GALNT13: variants seen among roughly 807,000 people sequenced by gnomAD.
GALNT13 encodes UDP-GalNAc:polypeptide N-acetylgalactosaminyltransferase 13.
A neutral mutation model predicts 64.2 loss-of-function variants in GALNT13; 28 were observed. That is an observed-to-expected ratio of 0.44 (90% CI 0.32 to 0.60). The LOEUF is 0.60. Among genes scored for constraint, GALNT13 ranks in the 20% least tolerant of loss-of-function variants. The pLI, the probability that GALNT13 is intolerant of heterozygous loss-of-function variation, is 0.05. For missense variants in GALNT13, 577 were observed against 669.8 expected, an observed-to-expected ratio of 0.86 and a Z score of 1.53; for synonymous variants, 214 against 224.6, an observed-to-expected ratio of 0.95 and a Z score of 0.42.
chr2:153,919,827 C>A (rs1345096095), intron 2 of GALNT13, among the ~76,000 whole-genome samples: 1 of 151,452 alleles, frequency 6.6e-6, no homozygotes, highest in Non-Finnish European at 1.5e-5. Context: ...TACCAGAATT[C>A]TATAAGTAGA....
At chr2:153,523,396 T>C in the GALNT13 span, among the ~76,000 whole-genome samples, 2 of 152,310 alleles carry the variant, frequency 1.3e-5, no homozygotes, top group South Asian at 2.1e-4. Flanking sequence ...ATTGAATCTA[T>C]GGACCAAGTT....
intron 3 of GALNT13, among the ~76,000 whole-genome samples, chr2:154,034,426 GCTTT>G (rs761228611): frequency 3.9e-4 from 59 of 152,150 alleles, no homozygotes; most frequent in Non-Finnish European, 6.3e-4. Context: ...GTTTCACTTG[GCTTT>G]CTATTTATTA....
chr2:153,176,620 TTC>T, the GALNT13 span, among the ~76,000 whole-genome samples: 2 of 151,884 alleles, frequency 1.3e-5, no homozygotes, highest in African/African-American at 4.8e-5. Flanking sequence ...ATCTAATATC[TTC>T]TCTCTGTCTA....
At chr2:153,944,291 A>G (rs1691553889) in intron 2 of GALNT13, 103 bp from the exon 3 acceptor site, 1 of 461,896 alleles carries the variant, frequency 2.2e-6, no homozygotes. Flanking sequence ...GAGTACTGAT[A>G]TATTTGAGAA....
intron 3 of GALNT13, among the ~76,000 whole-genome samples, chr2:154,022,164 C>G (rs544707621): frequency 2.0e-5 from 3 of 152,240 alleles, no homozygotes; most frequent in South Asian, 2.1e-4. Flanking sequence ...CTAAAATTCT[C>G]TTTATTGATT....
At chr2:153,855,178 C>T in the GALNT13 span, among the ~76,000 whole-genome samples, 2 of 152,066 alleles carry the variant, frequency 1.3e-5, no homozygotes, top group Non-Finnish European at 2.9e-5. Flanking sequence ...TTTTAACACA[C>T]ACCATACACA....
chr2:153,537,874 A>C, the GALNT13 span, among the ~76,000 whole-genome samples: 2 of 152,114 alleles, frequency 1.3e-5, no homozygotes, highest in Admixed American at 6.6e-5. Flanking sequence ...AGTTAGTTAA[A>C]TCTCTTTCTT....
intron 8 of GALNT13, among the ~76,000 whole-genome samples, chr2:154,292,361 C>G (rs1199114728): frequency 6.6e-6 from 1 of 152,152 alleles, no homozygotes; most frequent in Admixed American, 6.5e-5. Flanking sequence ...CTGCCATCAC[C>G]TTGGGCAAAG....
chr2:154,394,208 T>C (rs1330416385), intron 9 of GALNT13, among the ~76,000 whole-genome samples: 1 of 151,628 alleles, frequency 6.6e-6, no homozygotes, highest in East Asian at 1.9e-4. Flanking sequence ...CTGTGACCCA[T>C]GTGCCAGAAC....
chr2:154,198,076 C>T (rs996654799), intron 4 of GALNT13, among the ~76,000 whole-genome samples: 1 of 151,778 alleles, frequency 6.6e-6, no homozygotes, highest in Non-Finnish European at 1.5e-5. Flanking sequence ...AAAACAGCAG[C>T]AGATATATAC....
intron 4 of GALNT13, among the ~76,000 whole-genome samples, chr2:154,167,569 T>G (rs1412120153): frequency 6.6e-6 from 1 of 152,210 alleles, no homozygotes; most frequent in Non-Finnish European, 1.5e-5. Context: ...CTTTTACTCC[T>G]TTCCTTTCCA....
the GALNT13 span, among the ~76,000 whole-genome samples, chr2:153,699,679 A>G: frequency 1.3e-5 from 2 of 152,214 alleles, no homozygotes; most frequent in South Asian, 4.1e-4. Context: ...GACCCTACAG[A>G]AATACAAACT....
intron 3 of GALNT13, among the ~76,000 whole-genome samples, chr2:154,020,882 G>A (rs1021220547): frequency 5.3e-5 from 8 of 152,064 alleles, no homozygotes; most frequent in Non-Finnish European, 1.0e-4. Flanking sequence ...TTTGTATAAG[G>A]TGTAAGGAAG....
chr2:154,341,721 G>A (rs536990939), intron 9 of GALNT13, among the ~76,000 whole-genome samples: 1 of 146,932 alleles, frequency 6.8e-6, no homozygotes, highest in South Asian at 2.2e-4. Context: ...CTCCTGTTCT[G>A]GAAAAAGGAG....
At chr2:153,991,083 A>G (rs1162021526) in intron 3 of GALNT13, among the ~76,000 whole-genome samples, 4 of 152,202 alleles carry the variant, frequency 2.6e-5, no homozygotes, top group Non-Finnish European at 5.9e-5. Flanking sequence ...AGCTTTATAC[A>G]AAATCACCCT....
At chr2:154,332,903 G>T (rs1695244692) in intron 9 of GALNT13, among the ~76,000 whole-genome samples, 1 of 151,568 alleles carries the variant, frequency 6.6e-6, no homozygotes, top group African/African-American at 2.4e-5. Flanking sequence ...TTTTGTCGTA[G>T]AAACACAAAA....
At chr2:153,479,194 C>T in the GALNT13 span, among the ~76,000 whole-genome samples, 2 of 152,178 alleles carry the variant, frequency 1.3e-5, no homozygotes, top group Non-Finnish European at 2.9e-5. Context: ...CGATGAATCG[C>T]AGGTGCCAGA....
chr2:153,153,456 A>G, the GALNT13 span, among the ~76,000 whole-genome samples: 1 of 152,032 alleles, frequency 6.6e-6, no homozygotes, highest in African/African-American at 2.4e-5. Flanking sequence ...TATTCGTGAA[A>G]TCTTTGCCTG....
intron 3 of GALNT13, among the ~76,000 whole-genome samples, chr2:154,016,463 G>A (rs1477385294): frequency 6.6e-6 from 1 of 152,154 alleles, no homozygotes; most frequent in Non-Finnish European, 1.5e-5. Context: ...TGTCACCCAG[G>A]CTGGAGTGCA....
Sources: gnomAD v4.1 joint callset for allele counts (sites outside exome capture counted in the v4.1 genomes callset) on GRCh38, gnomAD v4.1.1 for gene constraint, MANE v1.5 for transcripts, NCBI Gene and HGNC (gene_info 2026-07-23, HGNC 2026-07-21) for gene names.